The following CDC16 variants were observed in gnomAD, a reference collection of about 807,000 sequenced individuals.
The protein encoded by CDC16 is cell division cycle 16, also known as cell division cycle protein 16 homolog.
In CDC16, 34 loss-of-function variants were observed where a neutral mutation model predicts 87.0. That is an observed-to-expected ratio of 0.39 (90% CI 0.30 to 0.52). The LOEUF (loss-of-function observed/expected upper bound fraction) is 0.52. Ranked by LOEUF, CDC16 falls within the 20% of genes least tolerant of loss-of-function variation. The pLI, the probability that CDC16 is intolerant of heterozygous loss-of-function variation, is 0.74. For synonymous variants in CDC16, 263 were observed against 260.6 expected, an observed-to-expected ratio of 1.01 and a Z score of -0.09; for missense variants, 653 against 751.9, an observed-to-expected ratio of 0.87 and a Z score of 1.54.
At position 114,272,234 on chromosome 13, in the gene CDC16, A is replaced by G. The variant is rs746554781; in HGVS notation, c.1654A>G (p.Met552Val). Residue 552 changes from methionine (M) to valine (V), a missense_variant, in exon 18 of 18, where the codon ATG (methionine) becomes GTG (valine). Physicochemically the swap from Met to Val is conservative, Grantham distance 21. Transcript: ENST00000356221. ...ATGTTATGACTTTGATGTGCATACA[A>G]TGAAGACACTAAAAAACATTATTTC... ...LKCYDFDVHTMKTLKNIISPP... is the reference protein window; with the variant it reads ...LKCYDFDVHTVKTLKNIISPP... 1.2e-5 allele frequency: 19 copies of G among 1,605,156 alleles called. No homozygotes were observed. The Admixed American group carries it at 1.8e-4, about 16-fold the overall frequency.
intron 15 of CDC16, 119 bp from the exon 16 acceptor site, chr13:114,262,760 T>C: frequency 1.1e-6 from 1 of 942,632 alleles, no homozygotes; most frequent in Non-Finnish European, 1.7e-6. Flanking sequence ...CATTCACCAG[T>C]CTAGACTGCT....
intron 10 of CDC16, 74 bp from the exon 11 acceptor site, chr13:114,246,857 C>G (rs570265807): frequency 9.0e-6 from 8 of 884,862 alleles, no homozygotes; most frequent in Non-Finnish European, 1.6e-5. Context: ...CCTCTGTCTA[C>G]CCTAATTTGT....
chr13:114,269,735 C>T (rs192438700), intron 17 of CDC16, among the ~76,000 whole-genome samples: 2 of 152,266 alleles, frequency 1.3e-5, no homozygotes, highest in East Asian at 3.9e-4. Flanking sequence ...GATGGAGTTT[C>T]ACTCAGTCAC....
chr13:114,270,701 A>G (rs969349597), intron 17 of CDC16, among the ~76,000 whole-genome samples: 3 of 152,104 alleles, frequency 2.0e-5, no homozygotes, highest in African/African-American at 7.2e-5. Flanking sequence ...TTTTAGCTCA[A>G]TTTTAAAAAA....
chr13:114,243,200 CT>C, intron 6 of CDC16, 56 bp from the exon 7 acceptor site: 5 of 816,766 alleles, frequency 6.1e-6, no homozygotes, highest in South Asian at 2.9e-5. Flanking sequence ...TAGTTGTTGG[CT>C]TTTTCCCCTC....
chr13:114,243,809 T>G (rs757370987), intron 7 of CDC16, 47 bp from the exon 8 acceptor site: 4 of 1,516,822 alleles, frequency 2.6e-6, no homozygotes, highest in South Asian at 1.2e-5. Flanking sequence ...CACATTTTAT[T>G]TTGTTTTTGC....
chr13:114,254,139 A>G (rs979928207), intron 12 of CDC16, among the ~76,000 whole-genome samples: 1 of 152,038 alleles, frequency 6.6e-6, no homozygotes, highest in African/African-American at 2.4e-5. Context: ...TACTGTTTAT[A>G]TGGTGTGGTT....
intron 5 of CDC16, among the ~76,000 whole-genome samples, chr13:114,239,733 A>G (rs1429723066): frequency 6.6e-6 from 1 of 152,160 alleles, no homozygotes; most frequent in Non-Finnish European, 1.5e-5. Context: ...TCCTTCTCAT[A>G]TTTGATGCCT....
At chr13:114,237,472 G>A (rs1460673191) in intron 3 of CDC16, among the ~76,000 whole-genome samples, 1 of 151,838 alleles carries the variant, frequency 6.6e-6, no homozygotes, top group African/African-American at 2.4e-5. Context: ...AAATTTTTTT[G>A]GTAGAGACAG....
At chr13:114,246,905 T>C (rs759032944) in intron 10 of CDC16, 26 bp from the exon 11 acceptor site, 3 of 1,469,214 alleles carry the variant, frequency 2.0e-6, no homozygotes, top group South Asian at 1.1e-5. Context: ...CCAATCTTTG[T>C]TTATGGTAAA....
In CDC16 at chr13:114,242,217, G is replaced by C. The variant is rs1420580108; in HGVS notation, c.478G>C (p.Asp160His). 6.2e-7 allele frequency: 1 copy of C among 1,614,044 alleles called. No individual in the cohort carries two copies. ...TYSYKEALKL[D>H]VYCFEAFDLL... is the part of the protein sequence containing the mutation. The stretch of plus-strand genomic sequence containing the variant: ...CAGCTACAAAGAAGCTTTGAAGCTT[G>C]ATGTCTACTGTTTTGAAGCGTTCGA... Residue 160 changes from aspartate to histidine, a missense_variant, in exon 6 of 18, where the codon GAT (aspartate) becomes CAT (histidine). Transcript: ENST00000356221.
At chr13:114,265,705 A>G (rs1030523150) in intron 17 of CDC16, among the ~76,000 whole-genome samples, 1 of 152,246 alleles carries the variant, frequency 6.6e-6, no homozygotes, top group African/African-American at 2.4e-5. Context: ...GAATTGCTGT[A>G]CTTGGGCACT....
At chr13:114,266,601 G>T (rs563006630) in intron 17 of CDC16, among the ~76,000 whole-genome samples, 1 of 152,094 alleles carries the variant, frequency 6.6e-6, no homozygotes, top group East Asian at 1.9e-4. Context: ...TTAGAACCTG[G>T]GTTTCGTTTC....
At position 114,239,545 on chromosome 13, in the gene CDC16, C is replaced by T. The variant is rs17337856; in HGVS notation, c.381+55C>T. ...ACGGCGGCGAGAATTGCCCTCATTACGTGGCAGAAACACATTATCTTCTTT... is the reference window on the plus strand; with the variant it reads ...ACGGCGGCGAGAATTGCCCTCATTATGTGGCAGAAACACATTATCTTCTTT... On this transcript the variant is annotated intron_variant, in intron 5 of 17. Coordinates refer to ENST00000356221, the MANE Select transcript of CDC16 (RefSeq NM_001078645.3). 2.8e-3 allele frequency: 3,965 copies of T among 1,439,492 alleles called. 102 individuals carry two copies. In the African/African-American group the frequency reaches 0.051, roughly 19 times the overall value. The allele number at this position is 1,439,492 out of a possible 1,614,324, so 89.2% of individuals were successfully genotyped here. A position where few individuals can be genotyped will look rare whatever the true frequency, so the allele number is the denominator to read the frequency against.
chr13:114,247,433 G>A (rs2081933747), intron 11 of CDC16, among the ~76,000 whole-genome samples: 1 of 151,526 alleles, frequency 6.6e-6, no homozygotes, highest in African/African-American at 2.4e-5. Context: ...CTCCGAAAGT[G>A]TTGAGATGAC....
intron 11 of CDC16, among the ~76,000 whole-genome samples, chr13:114,249,596 TAC>T (rs1487497625): frequency 1.3e-5 from 2 of 152,218 alleles, no homozygotes; most frequent in African/African-American, 4.8e-5. Context: ...GGGTTAATTA[TAC>T]AGTGTTCACT....
At position 114,257,238 on chromosome 13, in the gene CDC16, C is replaced by T. The variant is rs996381154; in HGVS notation, c.1250+8C>T. On this transcript the variant is annotated splice_region_variant and intron_variant, in intron 13 of 17. Transcript: ENST00000356221. ...TGCATTTCAGAATGGAGAGTAAGTA[C>T]TGGAAGACCAGAAACCCTTCTGTTA... 1.9e-6 allele frequency: 3 copies of T among 1,596,632 alleles called. No individual in the cohort carries two copies. Among genetic ancestry groups the T allele is most frequent in the African/African-American group, 2.7e-5 (2 of 74,570 alleles).
intron 16 of CDC16, 100 bp from the exon 17 acceptor site, chr13:114,265,050 C>T (rs2083111923): frequency 3.4e-6 from 3 of 872,804 alleles, no homozygotes; most frequent in Admixed American, 1.8e-5. Flanking sequence ...CTGGCCACTT[C>T]CCCCACCCTG....
At chr13:114,237,604 A>G (rs2081320230) in intron 3 of CDC16, among the ~76,000 whole-genome samples, 1 of 150,750 alleles carries the variant, frequency 6.6e-6, no homozygotes, top group South Asian at 2.1e-4. Flanking sequence ...GTTTTTTTTT[A>G]GTGAAAGTGA....
Sources: allele counts gnomAD v4.1 joint callset (sites outside exome capture counted in the v4.1 genomes callset), GRCh38; gene constraint gnomAD v4.1.1; transcripts MANE v1.5; gene names NCBI Gene and HGNC (gene_info 2026-07-23, HGNC 2026-07-21).